Variants in FHIP2B observed in about 807,000 individuals in gnomAD.
FHIP2B encodes the protein FHF complex subunit HOOK interacting protein 2B.
A neutral mutation model predicts 84.0 loss-of-function variants in FHIP2B; 72 were observed. The observed-to-expected ratio is 0.86, with a 90% CI of 0.71 to 1.04. FHIP2B has a LOEUF of 1.04. Ranked by LOEUF, FHIP2B falls within the 50% of genes least tolerant of loss-of-function variation. The pLI is 0.00. For synonymous variants in FHIP2B, 497 were observed against 418.7 expected, an observed-to-expected ratio of 1.19 and a Z score of -2.28; for missense variants, 972 against 968.9, an observed-to-expected ratio of 1.00 and a Z score of -0.04.
intron 9 of FHIP2B, among the ~76,000 whole-genome samples, 158 bp downstream of exon 9, chr8:22,099,518 C>T (rs529750579): frequency 3.9e-5 from 6 of 152,328 alleles, no homozygotes; most frequent in Admixed American, 3.3e-4. Flanking sequence ...ATGATGTGCA[C>T]GTGGCTCTGA....
rs1380302235 is a variant in FHIP2B, at chr8:22,102,025, C to T, written c.1852-150C>T. ...CTCCACACGTCCTAACACGTTCTGG[C>T]CCTCAGCCCCATGGAATCCATGACA... On this transcript the variant is annotated intron_variant, in intron 14 of 16. Transcript: ENST00000289921. 10 of 1,525,092 alleles carry T rather than the reference C, an allele frequency of 6.6e-6. No homozygotes were observed. The African/African-American group carries it at 1.1e-4, about 17-fold the overall frequency. The allele number at this position is 1,525,092 out of a possible 1,614,324, so 94.5% of individuals were successfully genotyped here. A position where few individuals can be genotyped will look rare whatever the true frequency, so the allele number is the denominator to read the frequency against.
At chr8:22,094,099 C>T (rs572800210) in intron 1 of FHIP2B, among the ~76,000 whole-genome samples, 12 of 152,226 alleles carry the variant, frequency 7.9e-5, no homozygotes, top group Admixed American at 2.6e-4. Context: ...TCTACTGTAG[C>T]GTAACCATGC....
chr8:22,102,022 T>G, intron 14 of FHIP2B, 153 bp from the exon 15 acceptor site: 1 of 1,523,280 alleles, frequency 6.6e-7, no homozygotes, highest in East Asian at 2.4e-5. Flanking sequence ...TAACACGTTC[T>G]GGCCCTCAGC....
rs750911887 is a variant in FHIP2B at position 22,100,734 on chromosome 8, C to A, written c.1482C>A (p.Asp494Glu). 1 of 1,603,766 alleles carries A rather than the reference C, an allele frequency of 6.2e-7. No individual in the cohort carries two copies. Among genetic ancestry groups the A allele is most frequent in the Non-Finnish European group, 8.5e-7 (1 of 1,173,868 alleles). ...WGSPEPESYE[D>E]TLDLEEDPYF... is the part of the protein sequence containing the mutation. Reference sequence around the variant, plus strand: ...CACCAGAGCCTGAGAGCTATGAGGACACCCTGTAAGTGAAACCGGCGCCCT... The same window carrying A: ...CACCAGAGCCTGAGAGCTATGAGGAAACCCTGTAAGTGAAACCGGCGCCCT... Residue 494 changes from aspartate to glutamate, a missense_variant, in exon 11 of 17, where the codon GAC (aspartate) becomes GAA (glutamate). Asp to Glu is a conservative substitution (Grantham distance 45). Coordinates refer to ENST00000289921, the MANE Select transcript of FHIP2B (RefSeq NM_022749.7).
intron 1 of FHIP2B, among the ~76,000 whole-genome samples, chr8:22,091,996 T>C (rs1337066612): frequency 6.6e-6 from 1 of 152,140 alleles, no homozygotes; most frequent in East Asian, 1.9e-4. Flanking sequence ...GAAGAGATGA[T>C]TGCTCAGCAC....
Position 22,094,428 on chromosome 8 carries a change from T to G in FHIP2B, c.46-12T>G. 6.3e-7 allele frequency: 1 copy of G among 1,592,852 alleles called. No individual in the cohort carries two copies. Among genetic ancestry groups the G allele is most frequent in the Non-Finnish European group, 8.5e-7 (1 of 1,171,714 alleles). ...GTGGCCCCCACTGAGGTTGTGTGTC[T>G]GCCCTCCGCAGCGCGAGCCCAGCAT... On this transcript the variant is annotated splice_polypyrimidine_tract_variant and intron_variant, in intron 1 of 16. Transcript: ENST00000289921.
At chr8:22,093,951 G>C (rs1009584880) in intron 1 of FHIP2B, among the ~76,000 whole-genome samples, 1 of 151,958 alleles carries the variant, frequency 6.6e-6, no homozygotes, top group Non-Finnish European at 1.5e-5. Flanking sequence ...TCCTGGACTC[G>C]AGCCGTCTGC....
intron 12 of FHIP2B, 98 bp downstream of exon 12, chr8:22,101,070 C>T: frequency 7.0e-7 from 1 of 1,437,006 alleles, no homozygotes; most frequent in Non-Finnish European, 9.3e-7. Flanking sequence ...GGATGGAGTG[C>T]AGTGGTACAA....
At chr8:22,102,370 G>A (rs1315750954) in intron 15 of FHIP2B, 55 bp downstream of exon 15, 11 of 1,594,268 alleles carry the variant, frequency 6.9e-6, no homozygotes, top group Non-Finnish European at 9.4e-6. Context: ...GGGACATCAG[G>A]GAAAGGGAAC....
chr8:22,100,834 C>G lies in FHIP2B; in HGVS notation c.1488-10C>G, dbSNP rs1475793770. 6.2e-7 allele frequency: 1 copy of G among 1,613,902 alleles called. No individual in the cohort carries two copies. Among genetic ancestry groups the G allele is most frequent in the South Asian group, 1.1e-5 (1 of 91,086 alleles). ...TTCACTGGTGCCGTACTGCTCTGCC[C>G]TGGCCACAGAGACCTGGAGGAAGAC... On this transcript the variant is annotated splice_polypyrimidine_tract_variant and intron_variant, in intron 11 of 16. Coordinates refer to ENST00000289921, the MANE Select transcript of FHIP2B (RefSeq NM_022749.7).
rs748961552 is a variant in FHIP2B at position 22,099,073 on chromosome 8, G to A, written c.1074+17G>A. The A allele has an allele frequency of 4.3e-5, 68 of 1,566,134 alleles. No homozygotes were observed. Among genetic ancestry groups the A allele is most frequent in the Middle Eastern group, 1.7e-4 (1 of 6,020 alleles). On this transcript the variant is annotated intron_variant, in intron 8 of 16. Coordinates refer to ENST00000289921, the MANE Select transcript of FHIP2B (RefSeq NM_022749.7). ...GCACACACGGTGAGCAGGGGCGGGC[G>A]GAGGCCGGGCTCTCATGCTGTTCCC... is the stretch of plus-strand genomic sequence containing the variant.
chr8:22,098,644 GGCCAGCAT>G, intron 7 of FHIP2B, 25 bp downstream of exon 7: 2 of 1,516,294 alleles, frequency 1.3e-6, no homozygotes, highest in Non-Finnish European at 1.8e-6. Context: ...CGGGAAGGCC[GGCCAGCAT>G]CTTCAGTTGC....
chr8:22,099,786 GC>G lies in FHIP2B; in HGVS notation c.1236del (p.Val413TrpfsTer84). On this transcript the variant is annotated frameshift_variant, in exon 10 of 17. Transcript: ENST00000289921. LOFTEE classifies it high-confidence loss of function. Reference sequence around the variant, plus strand: ...TCGCTCCCCTGCGCTGCTGCGGGAGGCCGTGGCTTTCCTCCTGGGCACAGAC... The same window carrying G: ...TCGCTCCCCTGCGCTGCTGCGGGAGGCGTGGCTTTCCTCCTGGGCACAGAC... ...QLRSPALLRE[A>X]VAFLLGTDRQ... The G allele has an allele frequency of 6.2e-7, 1 of 1,612,658 alleles. No homozygotes were observed. Among genetic ancestry groups the G allele is most frequent in the Non-Finnish European group, 8.5e-7 (1 of 1,179,726 alleles).
rs370807518 is a variant in FHIP2B at position 22,104,831 on chromosome 8, T to TTAAAAAAAAAAAAA, written c.*1900_*1901insTAAAAAAAAAAAAA. ...CTGGGCAATAGAGTAAGACCCTGTC[T>TTAAAAAAAAAAAAA]AAAAAAAAAAAAAAAAAATTTCACA... is the stretch of plus-strand genomic sequence containing the variant. On this transcript the variant is annotated 3_prime_UTR_variant, in exon 17 of 17. Transcript: ENST00000289921. The TTAAAAAAAAAAAAA allele has an allele frequency of 2.4e-5, 3 of 126,518 alleles. No individual in the cohort carries two copies. The highest frequency in any genetic ancestry group is 1.7e-5 in the Non-Finnish European group (1 of 60,428). 7.8% of individuals were successfully genotyped at this position (126,518 alleles called of 1,614,324 possible). A position where few individuals can be genotyped will look rare whatever the true frequency, so the allele number is the denominator to read the frequency against.
chr8:22,092,656 T>A (rs184102373), intron 1 of FHIP2B, among the ~76,000 whole-genome samples: 1 of 150,578 alleles, frequency 6.6e-6, no homozygotes, highest in Middle Eastern at 3.4e-3. Flanking sequence ...TGACTGAGAC[T>A]TCTTGGCTTG....
chr8:22,094,840 C>T (rs1825680493), intron 2 of FHIP2B: 1 of 1,187,804 alleles, frequency 8.4e-7, no homozygotes, highest in African/African-American at 1.6e-5. Context: ...CAGCTCCAGA[C>T]CTTCAGGCCC....
chr8:22,101,814 G>C lies in FHIP2B; in HGVS notation c.1814G>C (p.Arg605Pro). Residue 605 changes from arginine (R) to proline (P), a missense_variant, in exon 14 of 17, where the codon CGA (arginine) becomes CCA (proline). By Grantham distance (103) the Arg-to-Pro change is moderately radical (BLOSUM62 -2). Coordinates refer to ENST00000289921, the MANE Select transcript of FHIP2B (RefSeq NM_022749.7). The part of the protein sequence containing the change: ...ERPFFEGHFL[R>P]VLFDRMSRIL... ...CCTTTCTTCGAGGGCCACTTCCTCC[G>C]AGTGCTGTTTGACCGCATGTCCCGG... The C allele has an allele frequency of 1.2e-6, 2 of 1,613,524 alleles. No individual in the cohort carries two copies. Among genetic ancestry groups the C allele is most frequent in the Non-Finnish European group, 1.7e-6 (2 of 1,179,788 alleles).
intron 1 of FHIP2B, 80 bp downstream of exon 1, chr8:22,089,378 C>A: frequency 2.3e-6 from 2 of 875,818 alleles, no homozygotes; most frequent in South Asian, 5.0e-5. Flanking sequence ...CCGGGCGCGG[C>A]CCGCAGGAGG....
intron 1 of FHIP2B, chr8:22,089,620 C>T (rs770149335): frequency 7.2e-6 from 3 of 417,212 alleles, no homozygotes; most frequent in South Asian, 6.2e-5. Context: ...CCTGTCACCG[C>T]TTGGGGTGTT....
Sources: allele counts gnomAD v4.1 joint callset (sites outside exome capture counted in the v4.1 genomes callset), GRCh38; gene constraint gnomAD v4.1.1; transcripts MANE v1.5; gene names NCBI Gene and HGNC (gene_info 2026-07-23, HGNC 2026-07-21).